The following HOXC4 variants were observed in gnomAD, a reference collection of about 807,000 sequenced individuals.
HOXC4 encodes the protein homeobox C4.
Under a neutral mutation model 25.5 loss-of-function variants are expected in HOXC4, and 15 were observed. That is an observed-to-expected ratio of 0.59 (90% CI 0.39 to 0.91). The LOEUF is 0.91. Among genes scored for constraint, HOXC4 ranks in the 40% least tolerant of loss-of-function variants. The pLI, the probability that HOXC4 is intolerant of heterozygous loss-of-function variation, is 0.00. For synonymous variants in HOXC4, 165 were observed against 148.0 expected, an observed-to-expected ratio of 1.11 and a Z score of -0.83; for missense variants, 342 against 352.4, an observed-to-expected ratio of 0.97 and a Z score of 0.24.
intron 1 of HOXC4, among the ~76,000 whole-genome samples, chr12:54,041,883 C>T (rs1475097740): frequency 2.0e-5 from 3 of 151,896 alleles, no homozygotes; most frequent in Non-Finnish European, 2.9e-5. Context: ...AATCATGTTG[C>T]CCAGGCTGAC....
At chr12:54,028,441 T>C (rs1940828322) in intron 1 of HOXC4, 2 of 1,465,348 alleles carry the variant, frequency 1.4e-6, no homozygotes, top group East Asian at 4.6e-5. Context: ...GCCGTCCCTA[T>C]AACCATCTAG....
chr12:54,034,817 G>A (rs1341839576), intron 1 of HOXC4: 2 of 332,866 alleles, frequency 6.0e-6, no homozygotes, highest in Non-Finnish European at 1.1e-5. Context: ...CCGTATCTCC[G>A]GCTCCCAGCC....
intron 1 of HOXC4, among the ~76,000 whole-genome samples, chr12:54,035,931 G>A (rs1941176044): frequency 6.6e-6 from 1 of 152,164 alleles, no homozygotes; most frequent in Admixed American, 6.5e-5. Flanking sequence ...GGAGCAGGGA[G>A]GACAATCTGC....
chr12:54,034,247 T>C, intron 1 of HOXC4: 1 of 1,584,614 alleles, frequency 6.3e-7, no homozygotes. Context: ...TATTCACCCC[T>C]TCCTGGCTTG....
chr12:54,045,691 C>T (rs1393954342), intron 1 of HOXC4, among the ~76,000 whole-genome samples: 1 of 152,192 alleles, frequency 6.6e-6, no homozygotes, highest in African/African-American at 2.4e-5. Context: ...TACTGCATCT[C>T]TCTGTCTCCC....
intron 1 of HOXC4, among the ~76,000 whole-genome samples, chr12:54,040,178 G>A (rs569089430): frequency 2.0e-5 from 3 of 152,144 alleles, no homozygotes; most frequent in African/African-American, 7.2e-5. Flanking sequence ...TCTCTGGAGC[G>A]GAGGGTGGGC....
At chr12:54,024,706 C>A (rs900935723) in intron 1 of HOXC4, among the ~76,000 whole-genome samples, 2 of 152,152 alleles carry the variant, frequency 1.3e-5, no homozygotes, top group African/African-American at 4.8e-5. Flanking sequence ...TGCCCCCAGC[C>A]TTTCCCTGGC....
chr12:54,054,386 C>G, intron 1 of HOXC4, 25 bp downstream of exon 1: 4 of 1,449,676 alleles, frequency 2.8e-6, no homozygotes, highest in Non-Finnish European at 3.7e-6. Context: ...TTTTTGCTCC[C>G]CCCCTCCCTC....
chr12:54,055,267 C>A lies in HOXC4; in HGVS notation c.*62C>A, dbSNP rs1238449893. ...CACCCTCCCCTCACACACAAATTGA[C>A]TCTTATTTATAGAATTTAATATATA... On this transcript the variant is annotated 3_prime_UTR_variant, in exon 2 of 2. Coordinates refer to ENST00000430889, the MANE Select transcript of HOXC4 (RefSeq NM_153633.3). 1.1e-5 allele frequency: 6 copies of A among 536,518 alleles called. No homozygotes were observed. The highest frequency in any genetic ancestry group is 1.8e-5 in the Non-Finnish European group (6 of 338,674). The allele number at this position is 536,518 out of a possible 1,614,324, so 33.2% of individuals were successfully genotyped here.
intron 1 of HOXC4, among the ~76,000 whole-genome samples, chr12:54,024,825 G>A (rs569686601): frequency 4.6e-5 from 7 of 152,208 alleles, no homozygotes; most frequent in Non-Finnish European, 8.8e-5. Flanking sequence ...GCCAGTGACT[G>A]CACCCCACTC....
rs770412706 is a variant in HOXC4, at chr12:54,033,238, G to A, written c.-124+15824G>A. On this transcript the variant is annotated intron_variant, in intron 1 of 3. Transcript: ENST00000303406. ...TCAGAGGTGCAGGCATCCAGGTACTGCTACGGCGGATTGGACTTAAGCATC... is the reference window on the plus strand; with the variant it reads ...TCAGAGGTGCAGGCATCCAGGTACTACTACGGCGGATTGGACTTAAGCATC... 3.7e-6 allele frequency: 6 copies of A among 1,614,078 alleles called. No individual in the cohort carries two copies. In the East Asian group the frequency reaches 6.7e-5, roughly 18 times the overall value.
intron 1 of HOXC4, among the ~76,000 whole-genome samples, chr12:54,042,027 A>G (rs113897279): frequency 0.52 from 73,223 of 140,090 alleles, 19,106 homozygotes; most frequent in East Asian, 0.8. Flanking sequence ...TGCCCAGGCT[A>G]TAGTGCAATG....
chr12:54,025,272 T>C (rs931766247), intron 1 of HOXC4, among the ~76,000 whole-genome samples: 13 of 152,288 alleles, frequency 8.5e-5, no homozygotes, highest in Admixed American at 2.0e-4. Flanking sequence ...TTCAGACAAA[T>C]TTAACAGGAA....
intron 1 of HOXC4, among the ~76,000 whole-genome samples, chr12:54,024,000 T>G (rs1940567689): frequency 6.6e-6 from 1 of 152,174 alleles, no homozygotes; most frequent in Non-Finnish European, 1.5e-5. Context: ...CACCAGGCAT[T>G]TGGAGTAGAA....
intron 1 of HOXC4, among the ~76,000 whole-genome samples, chr12:54,031,488 C>T (rs1940985712): frequency 6.6e-6 from 1 of 152,198 alleles, no homozygotes; most frequent in Non-Finnish European, 1.5e-5. Flanking sequence ...CGGGCTGGTT[C>T]CTTACTTTTC....
upstream of HOXC4, among the ~76,000 whole-genome samples, chr12:54,049,297 T>G (rs544290773): frequency 2.2e-4 from 33 of 152,306 alleles, no homozygotes; most frequent in African/African-American, 7.9e-4. Flanking sequence ...AATAACCCCA[T>G]GGCAGTGAAC....
At chr12:54,028,452 T>C (rs1433928401) in intron 1 of HOXC4, 6 of 1,519,158 alleles carry the variant, frequency 3.9e-6, no homozygotes, top group Non-Finnish European at 5.4e-6. Context: ...AACCATCTAG[T>C]TCCGAGTACA....
intron 1 of HOXC4, among the ~76,000 whole-genome samples, chr12:54,026,702 A>G (rs1251389542): frequency 6.6e-6 from 1 of 152,162 alleles, no homozygotes; most frequent in East Asian, 1.9e-4. Context: ...ATTAACTAAC[A>G]TGTTGTCTCC....
chr12:54,046,414 G>A (rs1182345286), intron 1 of HOXC4, among the ~76,000 whole-genome samples: 1 of 152,106 alleles, frequency 6.6e-6, no homozygotes, highest in Non-Finnish European at 1.5e-5. Context: ...GAGGGGGCCT[G>A]GGGGACAAGT....
Sources: allele counts gnomAD v4.1 joint callset (sites outside exome capture counted in the v4.1 genomes callset), GRCh38; gene constraint gnomAD v4.1.1; transcripts MANE v1.5; gene names NCBI Gene and HGNC (gene_info 2026-07-23, HGNC 2026-07-21).